PPARGC1A: variants seen among roughly 807,000 people sequenced by gnomAD.
The protein encoded by PPARGC1A is PPARG coactivator 1 alpha.
PPARGC1A carries 25 observed loss-of-function variants against 88.7 expected under a neutral mutation model. The observed-to-expected ratio is 0.28, with a 90% CI of 0.21 to 0.39. The LOEUF (loss-of-function observed/expected upper bound fraction) is 0.39, where lower values mean the gene tolerates loss of function less well. Among genes scored for constraint, PPARGC1A ranks in the 10% least tolerant of loss-of-function variants. The pLI is 1.00. For missense variants in PPARGC1A, 880 were observed against 968.7 expected (o/e 0.91, Z 1.22); for synonymous variants, 363 against 355.6 (o/e 1.02, Z -0.24).
At chr4:24,311,527 C>T in the PPARGC1A span, among the ~76,000 whole-genome samples, 22 of 151,738 alleles carry the variant, frequency 1.4e-4, no homozygotes, top group African/African-American at 5.3e-4. Context: ...ATAATCCCAG[C>T]TACTCAGGAG....
chr4:24,319,575 T>C, the PPARGC1A span, among the ~76,000 whole-genome samples: 3,955 of 152,222 alleles, frequency 0.026, 180 homozygotes, highest in African/African-American at 0.09. Context: ...AAACAATAAA[T>C]GGGTTGAACA....
chr4:24,008,352 T>C, the PPARGC1A span, among the ~76,000 whole-genome samples: 1 of 152,212 alleles, frequency 6.6e-6, no homozygotes, highest in African/African-American at 2.4e-5. Context: ...GGAGCTTTTT[T>C]TCCCCCTTGG....
intron 1 of PPARGC1A, among the ~76,000 whole-genome samples, chr4:23,886,030 C>T (rs112391217): frequency 0.031 from 4,766 of 152,170 alleles, 109 homozygotes; most frequent in Non-Finnish European, 0.049. Flanking sequence ...GCTACCTAAC[C>T]GCTAATGTCA....
rs80083784 is a variant in PPARGC1A, at chr4:23,806,825, A to G, written c.2020-4480T>C. On this transcript the variant is annotated intron_variant, in intron 10 of 12. Coordinates refer to ENST00000264867, the MANE Select transcript of PPARGC1A (RefSeq NM_013261.5). ...AACATACAGTGGTTGTTTCTCATCA[A>G]ATAAACTACTCCTGATAAAAGGGGT... Among the ~76,000 whole-genome samples, 1,179 of 152,306 alleles carry G rather than the reference A, an allele frequency of 7.7e-3. 11 individuals are homozygous for G. Among genetic ancestry groups the G allele is most frequent in the African/African-American group, 0.024 (1,012 of 41,580 alleles).
the PPARGC1A span, among the ~76,000 whole-genome samples, chr4:24,291,372 T>C: frequency 2.6e-5 from 4 of 152,196 alleles, no homozygotes; most frequent in Non-Finnish European, 5.9e-5. Flanking sequence ...TCTACGTAAA[T>C]ACATGCAAGA....
At chr4:24,331,785 A>T in the PPARGC1A span, among the ~76,000 whole-genome samples, 3 of 150,372 alleles carry the variant, frequency 2.0e-5, no homozygotes, top group African/African-American at 7.3e-5. Flanking sequence ...ATATATATAT[A>T]TTTTAAGTTC....
At chr4:24,346,991 A>C in the PPARGC1A span, among the ~76,000 whole-genome samples, 2 of 152,132 alleles carry the variant, frequency 1.3e-5, no homozygotes, top group African/African-American at 4.8e-5. Flanking sequence ...ATTCAGTTCA[A>C]AGAATTTTTT....
chr4:24,077,624 G>GGTGTGTGTGTGTGT, the PPARGC1A span, among the ~76,000 whole-genome samples: 112 of 130,950 alleles, frequency 8.6e-4, no homozygotes, highest in African/African-American at 3.1e-3. Flanking sequence ...TGTGTCTAGG[G>GGTGTGTGTGTGTGT]GTGTGTGTGT....
rs568823760 is a variant in PPARGC1A at position 23,813,041 on chromosome 4, C to A, written c.1878G>T (p.Ser626=). Residue 626 remains serine, a synonymous_variant, in exon 9 of 13, where the codon TCG becomes TCT. Coordinates refer to ENST00000264867, the MANE Select transcript of PPARGC1A (RefSeq NM_013261.5). ...SPLYVRSRSR[S]PYSRRPRYDS... The stretch of plus-strand genomic sequence containing the variant: ...ATTACCTGGGCCGACGGCTGTAGGG[C>A]GATCTTGAACGTGATCTCACATACA... The A allele has an allele frequency of 1.2e-6, 2 of 1,613,996 alleles. No homozygotes were observed. Among genetic ancestry groups the A allele is most frequent in the South Asian group, 1.1e-5 (1 of 91,060 alleles).
chr4:24,300,161 A>G, the PPARGC1A span, among the ~76,000 whole-genome samples: 1 of 152,054 alleles, frequency 6.6e-6, no homozygotes, highest in Non-Finnish European at 1.5e-5. Context: ...CCTTTACAGA[A>G]ACCGTTTACA....
intron 1 of PPARGC1A, chr4:23,889,251 C>A (rs572428291): frequency 8.1e-6 from 8 of 985,436 alleles, no homozygotes; most frequent in Non-Finnish European, 8.4e-6. Flanking sequence ...ATTGGCTTCC[C>A]TGCCACCGAC....
the PPARGC1A span, among the ~76,000 whole-genome samples, chr4:24,331,509 T>C: frequency 6.6e-6 from 1 of 152,226 alleles, no homozygotes; most frequent in Non-Finnish European, 1.5e-5. Flanking sequence ...CATGCCCATC[T>C]TGTTTATTGC....
the PPARGC1A span, among the ~76,000 whole-genome samples, chr4:23,930,332 C>G: frequency 6.6e-6 from 1 of 152,048 alleles, no homozygotes; most frequent in Non-Finnish European, 1.5e-5. Context: ...TAAATTATAG[C>G]ATTTCTTATG....
chr4:24,353,004 T>C, the PPARGC1A span, among the ~76,000 whole-genome samples: 1 of 152,286 alleles, frequency 6.6e-6, no homozygotes, highest in South Asian at 2.1e-4. Context: ...GTTCGTTAGC[T>C]GATCACCGCC....
chr4:24,071,769 C>G, the PPARGC1A span, among the ~76,000 whole-genome samples: 1 of 152,102 alleles, frequency 6.6e-6, no homozygotes, highest in Admixed American at 6.6e-5. Flanking sequence ...CACAGAGTGT[C>G]AAAAACTAAC....
the PPARGC1A span, among the ~76,000 whole-genome samples, chr4:23,956,080 C>T: frequency 6.6e-6 from 1 of 152,164 alleles, no homozygotes; most frequent in East Asian, 1.9e-4. Context: ...TGTTATATAA[C>T]ACAAAACATT....
chr4:24,041,959 A>T, the PPARGC1A span, among the ~76,000 whole-genome samples: 1 of 152,076 alleles, frequency 6.6e-6, no homozygotes, highest in Non-Finnish European at 1.5e-5. Context: ...TAATCAACCT[A>T]AAAATATGAC....
the PPARGC1A span, among the ~76,000 whole-genome samples, chr4:23,958,657 G>A: frequency 6.6e-6 from 1 of 151,920 alleles, no homozygotes; most frequent in Non-Finnish European, 1.5e-5. Context: ...AACTCATTGT[G>A]CTTTCTTTTT....
intron 2 of PPARGC1A, among the ~76,000 whole-genome samples, chr4:23,852,317 T>C (rs992487116): frequency 2.6e-5 from 4 of 152,218 alleles, no homozygotes; most frequent in Non-Finnish European, 5.9e-5. Context: ...AAATTGTATC[T>C]GAAATTTCTG....
Sources: gnomAD v4.1 joint callset for allele counts (sites outside exome capture counted in the v4.1 genomes callset) on GRCh38, gnomAD v4.1.1 for gene constraint, MANE v1.5 for transcripts, NCBI Gene and HGNC (gene_info 2026-07-23, HGNC 2026-07-21) for gene names.